Variants in THBS4 observed in about 807,000 individuals in gnomAD.
THBS4 encodes thrombospondin 4, also known as thrombospondin-4.
Under a neutral mutation model 115.7 loss-of-function variants are expected in THBS4, and 90 were observed. The observed-to-expected ratio is 0.78, with a 90% confidence interval of 0.66 to 0.93. The LOEUF (loss-of-function observed/expected upper bound fraction) is 0.93, where lower values mean the gene tolerates loss of function less well. Among genes scored for constraint, THBS4 ranks in the 40% least tolerant of loss-of-function variants. The pLI is 0.00. For synonymous variants in THBS4, 460 were observed against 479.3 expected, an observed-to-expected ratio of 0.96 and a Z score of 0.53; for missense variants, 1,087 against 1,232.7, an observed-to-expected ratio of 0.88 and a Z score of 1.77.
intron 2 of THBS4, among the ~76,000 whole-genome samples, chr5:80,041,963 T>G (rs919654104): frequency 2.0e-5 from 3 of 152,218 alleles, no homozygotes; most frequent in Non-Finnish European, 4.4e-5. Flanking sequence ...TTCTTAACTT[T>G]CATAGGACTC....
At chr5:80,040,791 T>C (rs1177060415) in intron 2 of THBS4, among the ~76,000 whole-genome samples, 1 of 152,226 alleles carries the variant, frequency 6.6e-6, no homozygotes, top group Admixed American at 6.5e-5. Context: ...CTCACAGTCC[T>C]GCAGGCTGGA....
chr5:79,992,477 C>G (rs1831702024), intron 1 of THBS4, among the ~76,000 whole-genome samples: 1 of 152,090 alleles, frequency 6.6e-6, no homozygotes, highest in Non-Finnish European at 1.5e-5. Flanking sequence ...ACAGTGCCAG[C>G]CTGCTAAAGT....
intron 2 of THBS4, among the ~76,000 whole-genome samples, chr5:80,007,549 G>A (rs556462010): frequency 6.6e-6 from 1 of 152,210 alleles, no homozygotes; most frequent in Non-Finnish European, 1.5e-5. Context: ...TGTGTGTCCT[G>A]TCTGCAGAAC....
chr5:80,078,050 C>T lies in THBS4; in HGVS notation c.2088C>T (p.Ser696=), dbSNP rs758912440. 3.2e-5 allele frequency: 51 copies of T among 1,573,060 alleles called. 1 individual carries two copies. The South Asian group carries it at 4.5e-4, about 14-fold the overall frequency. ...CTGTCCTTTCTCCACCCCACTCAGG[C>T]GACGGAGTGGGAGACATCTGTGAGT... ...VPNPAQEDSN[S]DGVGDICESD... Residue 696 remains serine, a splice_region_variant and synonymous_variant, in exon 17 of 22, where the codon AGC becomes AGT. Transcript: ENST00000350881.
At chr5:80,004,007 G>A (rs1303027985) in intron 2 of THBS4, among the ~76,000 whole-genome samples, 1 of 152,194 alleles carries the variant, frequency 6.6e-6, no homozygotes, top group Admixed American at 6.5e-5. Context: ...TTGCTAATGT[G>A]ACCTGCATGA....
intron 15 of THBS4, among the ~76,000 whole-genome samples, chr5:80,073,631 G>A (rs761055053): frequency 3.3e-5 from 5 of 152,034 alleles, no homozygotes; most frequent in African/African-American, 7.2e-5. Flanking sequence ...TGATCTGCCC[G>A]CCTCGGCCTC....
At chr5:80,011,665 C>T (rs1202268732) in intron 2 of THBS4, among the ~76,000 whole-genome samples, 1 of 151,956 alleles carries the variant, frequency 6.6e-6, no homozygotes, top group African/African-American at 2.4e-5. Context: ...AGGACTACAC[C>T]AAACTTAGGT....
chr5:79,996,249 C>T (rs947277617), intron 1 of THBS4, among the ~76,000 whole-genome samples: 20 of 152,106 alleles, frequency 1.3e-4, no homozygotes, highest in South Asian at 1.0e-3. Context: ...AGTATTAAGG[C>T]GATAAATCAA....
intron 3 of THBS4, among the ~76,000 whole-genome samples, chr5:80,057,559 G>T (rs1413906549): frequency 6.6e-6 from 1 of 152,196 alleles, no homozygotes; most frequent in Non-Finnish European, 1.5e-5. Flanking sequence ...CCTTAGCTGT[G>T]CTCATTTCTA....
At position 80,071,001 on chromosome 5, in the gene THBS4, T is replaced by G; in HGVS notation, c.1561-20T>G. ...GATTTAGTAAAAGTCTGAGTGATGT[T>G]CTGTCCTTTCATCTTTTAGGATAAC... is the stretch of plus-strand genomic sequence containing the variant. On this transcript the variant is annotated intron_variant, in intron 12 of 21. Transcript: ENST00000350881. 5.6e-6 allele frequency: 9 copies of G among 1,611,882 alleles called. No homozygotes were observed. The highest frequency in any genetic ancestry group is 7.6e-6 in the Non-Finnish European group (9 of 1,179,592).
Position 80,061,791 on chromosome 5 carries a change from G to A in THBS4, c.1084G>A (p.Val362Met), listed in dbSNP as rs928706161. 3.7e-5 allele frequency: 59 copies of A among 1,613,860 alleles called. No individual in the cohort carries two copies. Among genetic ancestry groups the A allele is most frequent in the Non-Finnish European group, 4.6e-5 (54 of 1,179,996 alleles). Residue 362 changes from valine (V) to methionine (M), a missense_variant, in exon 8 of 22, where the codon GTG becomes ATG. Coordinates refer to ENST00000350881, the MANE Select transcript of THBS4 (RefSeq NM_003248.6). ...ACPVGFTGPM[V>M]QGVGISFAKS... is the part of the protein sequence containing the mutation. ...CCCAGTGGGCTTCACAGGGCCCATGGTGCAGGGTGTTGGGATCAGTTTTGC... is the reference window on the plus strand; with the variant it reads ...CCCAGTGGGCTTCACAGGGCCCATGATGCAGGGTGTTGGGATCAGTTTTGC...
intron 19 of THBS4, 77 bp downstream of exon 19, chr5:80,079,335 GT>G: frequency 7.0e-7 from 1 of 1,438,440 alleles, no homozygotes; most frequent in Non-Finnish European, 9.3e-7. Context: ...GTTTTCCCAT[GT>G]GGTACTTAGT....
At position 80,070,562 on chromosome 5, in the gene THBS4, C is replaced by A. The variant is rs181668106; in HGVS notation, c.1453-81C>A. ...AGTGAAACAGCCACCAACAATAAAG[C>A]CACAGTGTCTTGAGGTCAGAAACAG... is the stretch of plus-strand genomic sequence containing the variant. On this transcript the variant is annotated intron_variant, in intron 11 of 21. Coordinates refer to ENST00000350881, the MANE Select transcript of THBS4 (RefSeq NM_003248.6). 9.2e-4 allele frequency: 1,323 copies of A among 1,439,546 alleles called. 16 individuals are homozygous for A. Among genetic ancestry groups the A allele is most frequent in the Admixed American group, 2.1e-3 (122 of 59,134 alleles). 89.2% of individuals were successfully genotyped at this position (1,439,546 alleles called of 1,614,324 possible). A position where few individuals can be genotyped will look rare whatever the true frequency, so the allele number is the denominator to read the frequency against.
chr5:80,057,729 A>G (rs1833477831), intron 3 of THBS4, among the ~76,000 whole-genome samples: 1 of 152,240 alleles, frequency 6.6e-6, no homozygotes, highest in Admixed American at 6.5e-5. Context: ...TAAAAATATG[A>G]TGCCAACTAC....
chr5:80,012,620 T>C (rs1279055534), intron 2 of THBS4, among the ~76,000 whole-genome samples: 1 of 152,108 alleles, frequency 6.6e-6, no homozygotes, highest in East Asian at 1.9e-4. Context: ...CTTCTCACTT[T>C]TCCCCTCACA....
At chr5:80,023,826 A>G (rs1832425192) in intron 2 of THBS4, among the ~76,000 whole-genome samples, 2 of 152,064 alleles carry the variant, frequency 1.3e-5, no homozygotes, top group East Asian at 1.9e-4. Context: ...GTGGGAGGGG[A>G]AGCAAGAGAG....
rs904078527 is a variant in THBS4, at chr5:80,035,960, CG to C, written c.88+338del. 7.3e-5 allele frequency: 76 copies of C among 1,041,848 alleles called. No individual in the cohort carries two copies. In the African/African-American group the frequency reaches 1.1e-3, roughly 15 times the overall value. The allele number at this position is 1,041,848 out of a possible 1,614,324, so 64.5% of individuals were successfully genotyped here. A position where few individuals can be genotyped will look rare whatever the true frequency, so the allele number is the denominator to read the frequency against. On this transcript the variant is annotated intron_variant, in intron 1 of 21. Transcript: ENST00000350881. This position sits in a 1 kb window ranked among gnomAD's most constrained non-coding sequence, Gnocchi z 4.6. Reference sequence around the variant, plus strand: ...TTAGGCTCTGGTGTAGGGTGAATTCCGGGTCCTGCACCCTGTGCCGGTTCCC... The same window carrying C: ...TTAGGCTCTGGTGTAGGGTGAATTCCGGTCCTGCACCCTGTGCCGGTTCCC...
chr5:80,044,949 T>C (rs1833016256), intron 2 of THBS4, among the ~76,000 whole-genome samples: 1 of 152,150 alleles, frequency 6.6e-6, no homozygotes, highest in Non-Finnish European at 1.5e-5. Flanking sequence ...CCAGTTTGTA[T>C]CCTGAGTTTG....
chr5:80,014,953 A>G (rs927811609), intron 2 of THBS4, among the ~76,000 whole-genome samples: 3 of 152,208 alleles, frequency 2.0e-5, no homozygotes, highest in African/African-American at 7.2e-5. Flanking sequence ...TTTCTTTGAT[A>G]ATTTTATTTC....
Sources: allele counts gnomAD v4.1 joint callset (sites outside exome capture counted in the v4.1 genomes callset), GRCh38; gene constraint gnomAD v4.1.1; non-coding constraint Gnocchi (gnomAD v3.1); transcripts MANE v1.5; gene names NCBI Gene and HGNC (gene_info 2026-07-23, HGNC 2026-07-21).